The following MECOM variants were observed in gnomAD, a reference collection of about 807,000 sequenced individuals.
The protein encoded by MECOM is MDS1 and EVI1 complex locus, also known as histone-lysine N-methyltransferase MECOM.
MECOM carries 13 observed loss-of-function variants against 116.3 expected under a neutral mutation model. The observed-to-expected ratio is 0.11, with a 90% confidence interval of 0.07 to 0.18. The LOEUF (loss-of-function observed/expected upper bound fraction) is 0.18, where lower values mean the gene tolerates loss of function less well. Ranked by LOEUF, MECOM falls within the 10% of genes least tolerant of loss-of-function variation. The pLI is 1.00. For synonymous variants in MECOM, 528 were observed against 535.2 expected (o/e 0.99, Z 0.19); for missense variants, 1,299 against 1,509.0 (o/e 0.86, Z 2.31).
intron 1 of MECOM, among the ~76,000 whole-genome samples, chr3:169,642,623 T>A (rs1239839514): frequency 1.3e-5 from 2 of 151,714 alleles, no homozygotes; most frequent in African/African-American, 4.8e-5. Context: ...ACCATGGTTA[T>A]GGAGAGGGCT....
intron 1 of MECOM, among the ~76,000 whole-genome samples, chr3:169,454,143 C>T (rs1370049625): frequency 2.0e-5 from 3 of 152,122 alleles, no homozygotes; most frequent in Non-Finnish European, 2.9e-5. Flanking sequence ...TTAAAGATAT[C>T]GAGTGCTATA....
At chr3:169,437,570 CT>C (rs1742873552) in intron 1 of MECOM, among the ~76,000 whole-genome samples, 1 of 152,256 alleles carries the variant, frequency 6.6e-6, no homozygotes. Context: ...CAGAGTCAAA[CT>C]TTTTGGAATG....
intron 2 of MECOM, among the ~76,000 whole-genome samples, chr3:169,332,005 T>TA (rs10551909): frequency 0.05 from 6,838 of 137,516 alleles, 471 homozygotes; most frequent in African/African-American, 0.15. Flanking sequence ...CTTTTTTATT[T>TA]AAAAAAAAAA....
chr3:169,266,584 A>G (rs575233066), intron 2 of MECOM, among the ~76,000 whole-genome samples: 1 of 152,322 alleles, frequency 6.6e-6, no homozygotes, highest in Admixed American at 6.5e-5. Flanking sequence ...GAGAGCCAAC[A>G]CAGTTCAGAG....
chr3:169,267,107 G>T (rs56009975), intron 2 of MECOM, among the ~76,000 whole-genome samples: 3,423 of 152,274 alleles, frequency 0.022, 140 homozygotes, highest in African/African-American at 0.078. Flanking sequence ...CATGGCTGAC[G>T]ATTTGCAACC....
At chr3:169,120,978 G>A (rs997218766) in intron 7 of MECOM, 78 bp downstream of exon 7, 2 of 1,462,606 alleles carry the variant, frequency 1.4e-6, no homozygotes, top group South Asian at 1.5e-5. Context: ...AAGGCCATGT[G>A]CAGCCACTCT....
intron 10 of MECOM, among the ~76,000 whole-genome samples, chr3:169,104,011 C>A (rs1294229336): frequency 6.6e-6 from 1 of 152,166 alleles, no homozygotes; most frequent in East Asian, 1.9e-4. Context: ...ACAAAAAAAT[C>A]TCAGAGGAAA....
At chr3:169,086,376 C>T in intron 16 of MECOM, 1 of 575,486 alleles carries the variant, frequency 1.7e-6, no homozygotes. Flanking sequence ...TGATTATGTA[C>T]CTACTTTTAG....
Position 169,090,249 on chromosome 3 carries a change from T to G in MECOM, c.3165-13A>C, listed in dbSNP as rs367623497. 3.2e-6 allele frequency: 5 copies of G among 1,580,034 alleles called. No homozygotes were observed. In the African/African-American group the frequency reaches 5.5e-5, roughly 17 times the overall value. ...ACTGCCATTCATTCTTTCAAAAGCATTAAAAAAAAAGTCCAATTGTTGGTT... is the reference window on the plus strand; with the variant it reads ...ACTGCCATTCATTCTTTCAAAAGCAGTAAAAAAAAAGTCCAATTGTTGGTT... On this transcript the variant is annotated splice_polypyrimidine_tract_variant and intron_variant, in intron 14 of 16. Coordinates refer to ENST00000651503, the MANE Select transcript of MECOM (RefSeq NM_004991.4).
intron 1 of MECOM, among the ~76,000 whole-genome samples, chr3:169,513,906 GATC>G (rs1416477247): frequency 6.6e-6 from 1 of 152,014 alleles, no homozygotes; most frequent in Non-Finnish European, 1.5e-5. Context: ...TTTTTCAGGA[GATC>G]ATTTTACTTT....
intron 14 of MECOM, among the ~76,000 whole-genome samples, chr3:169,091,386 G>T (rs1161049647): frequency 2.0e-5 from 3 of 152,048 alleles, no homozygotes; most frequent in African/African-American, 7.2e-5. Context: ...TCTTATTTCT[G>T]TGCTGTTTAG....
chr3:169,378,588 A>AAGCAAGCGAGAGAGAGAGAG (rs1731846117), intron 2 of MECOM, among the ~76,000 whole-genome samples: 1 of 64,438 alleles, frequency 1.6e-5, no homozygotes, highest in African/African-American at 5.1e-5. Context: ...GAAAGAAAGT[A>AAGCAAGCGAGAGAGAGAGAG]AGTAAGTAAG....
intron 1 of MECOM, among the ~76,000 whole-genome samples, chr3:169,578,596 A>C (rs925143152): frequency 3.9e-5 from 6 of 152,190 alleles, no homozygotes; most frequent in Non-Finnish European, 8.8e-5. Context: ...ATCTATTCCA[A>C]AGTTCAAATT....
Position 169,115,645 on chromosome 3 carries a change from C to T in MECOM, c.2227G>A (p.Asp743Asn). Residue 743 changes from aspartate to asparagine, a missense_variant, in exon 8 of 17, where the codon GAT becomes AAT. Asp to Asn is a conservative substitution (Grantham distance 23). Transcript: ENST00000651503. The stretch of plus-strand genomic sequence containing the variant: ...TCATCCTTTCGCTTAGTGGTGAGAT[C>T]AAAGGGGGACTCAGAGCTGCCCTTC... ...LQKGSSESPF[D>N]LTTKRKDEKP... The T allele has an allele frequency of 6.2e-7, 1 of 1,614,072 alleles. No individual in the cohort carries two copies. Among genetic ancestry groups the T allele is most frequent in the Non-Finnish European group, 8.5e-7 (1 of 1,180,018 alleles).
At chr3:169,226,847 G>A (rs961062368) in intron 2 of MECOM, among the ~76,000 whole-genome samples, 2 of 152,186 alleles carry the variant, frequency 1.3e-5, no homozygotes, top group Non-Finnish European at 2.9e-5. Flanking sequence ...TTTCTCCCAT[G>A]TATGGAAGAA....
chr3:169,457,154 C>A (rs1746663061), intron 1 of MECOM, among the ~76,000 whole-genome samples: 1 of 152,220 alleles, frequency 6.6e-6, no homozygotes, highest in African/African-American at 2.4e-5. Flanking sequence ...TGCTGGGGCC[C>A]TGCCATGTGT....
chr3:169,404,883 C>T (rs1055444619), intron 1 of MECOM, among the ~76,000 whole-genome samples: 6 of 152,198 alleles, frequency 3.9e-5, no homozygotes, highest in African/African-American at 1.2e-4. Context: ...AAGGAAACCT[C>T]CCATTCCCCT....
intron 1 of MECOM, among the ~76,000 whole-genome samples, chr3:169,450,936 G>C (rs1351750815): frequency 1.3e-5 from 2 of 152,290 alleles, no homozygotes; most frequent in South Asian, 4.1e-4. Flanking sequence ...GGCATCCTAT[G>C]ATATAAAATA....
intron 1 of MECOM, among the ~76,000 whole-genome samples, chr3:169,569,487 A>G (rs1576924760): frequency 6.6e-6 from 1 of 152,228 alleles, no homozygotes; most frequent in Non-Finnish European, 1.5e-5. Flanking sequence ...CAGACCTAAT[A>G]GACATCTACA....
Sources: gnomAD v4.1 joint callset for allele counts (sites outside exome capture counted in the v4.1 genomes callset) on GRCh38, gnomAD v4.1.1 for gene constraint, MANE v1.5 for transcripts, NCBI Gene and HGNC (gene_info 2026-07-23, HGNC 2026-07-21) for gene names.